The following HNF4A variants were observed in gnomAD, a reference collection of about 807,000 sequenced individuals.
The protein encoded by HNF4A is hepatocyte nuclear factor 4-alpha.
In HNF4A, 15 loss-of-function variants were observed where a neutral mutation model predicts 52.4. That is an observed-to-expected ratio of 0.29 (90% confidence interval 0.19 to 0.44). HNF4A has a LOEUF of 0.44. Ranked by LOEUF, HNF4A falls within the 20% of genes least tolerant of loss-of-function variation. The probability of loss-of-function intolerance (pLI) is 1.00; values close to 1 mark genes in which losing one functional copy is unlikely to be tolerated. For synonymous variants in HNF4A, 280 were observed against 264.4 expected, an observed-to-expected ratio of 1.06 and a Z score of -0.57; for missense variants, 479 against 647.2, an observed-to-expected ratio of 0.74 and a Z score of 2.82.
rs1013120760 is a variant in HNF4A at position 44,374,525 on chromosome 20, G to A, written c.49+18672G>A. ...GTCACCCAGGCTGGAGTGCAGTGGC[G>A]CAATCTCAGCTCACTGCAACCTCTG... On this transcript the variant is annotated intron_variant, in intron 1 of 9. Coordinates refer to the HNF4A transcript ENST00000316673. Among the ~76,000 whole-genome samples the A allele has an allele frequency of 4.6e-5, 7 of 152,094 alleles. No individual in the cohort carries two copies. In the South Asian group the frequency reaches 1.0e-3, roughly 23 times the overall value.
At chr20:44,411,698 G>A (rs2063586419) in intron 3 of HNF4A, among the ~76,000 whole-genome samples, 1 of 152,184 alleles carries the variant, frequency 6.6e-6, no homozygotes, top group African/African-American at 2.4e-5. Flanking sequence ...TTAACAATGT[G>A]TCAACATCAA....
chr20:44,410,124 C>T (rs1441357440), intron 3 of HNF4A, among the ~76,000 whole-genome samples: 1 of 152,342 alleles, frequency 6.6e-6, no homozygotes, highest in Admixed American at 6.5e-5. Context: ...TGAGCCACTG[C>T]GCCCGGCCCC....
intron 7 of HNF4A, among the ~76,000 whole-genome samples, chr20:44,421,940 T>A (rs188565628): frequency 9.3e-5 from 14 of 150,288 alleles, no homozygotes; most frequent in Admixed American, 2.7e-4. Context: ...ATGAGCCCCA[T>A]GTATTGAATG....
intron 1 of HNF4A, among the ~76,000 whole-genome samples, chr20:44,377,469 A>G (rs1041387780): frequency 7.9e-5 from 12 of 152,160 alleles, no homozygotes; most frequent in Non-Finnish European, 1.5e-4. Context: ...GGCAATGTTT[A>G]AAAACACATG....
intron 1 of HNF4A, among the ~76,000 whole-genome samples, chr20:44,363,825 T>C (rs1274130447): frequency 6.6e-6 from 1 of 150,426 alleles, no homozygotes; most frequent in Non-Finnish European, 1.5e-5. Context: ...GCCTCCCAAG[T>C]AGCTGGGATT....
intron 1 of HNF4A, among the ~76,000 whole-genome samples, chr20:44,369,249 C>CAA (rs751374772): frequency 0.21 from 5,272 of 24,840 alleles, 1,485 homozygotes; most frequent in Admixed American, 0.3. Flanking sequence ...AACTCCATCT[C>CAA]AAAAAAAAAA....
intron 1 of HNF4A, among the ~76,000 whole-genome samples, chr20:44,375,234 G>A (rs1366904459): frequency 3.3e-5 from 5 of 152,060 alleles, no homozygotes; most frequent in Non-Finnish European, 7.4e-5. Flanking sequence ...GGGGTTCTTT[G>A]TTTTTTGCTT....
At chr20:44,398,379 G>C (rs1404276449), upstream of HNF4A, among the ~76,000 whole-genome samples, 1 of 152,208 alleles carries the variant, frequency 6.6e-6, no homozygotes, top group African/African-American at 2.4e-5. Context: ...ATTCTGGGCA[G>C]CTGTATTATC....
intron 9 of HNF4A, among the ~76,000 whole-genome samples, chr20:44,428,727 T>C (rs950299478): frequency 2.0e-5 from 3 of 152,180 alleles, no homozygotes; most frequent in Admixed American, 6.5e-5. Context: ...AGGTAACCCA[T>C]TGGGTGAAGA....
At chr20:44,434,065 A>G (rs2063902603), downstream of HNF4A, 1 of 152,200 alleles carries the variant, frequency 6.6e-6, no homozygotes. Context: ...ATGCCTACAT[A>G]TGGGGACATC....
Position 44,428,431 on chromosome 20 carries a change from C to A in HNF4A, c.1226C>A (p.Pro409His), listed in dbSNP as rs148745312. 11 of 1,614,180 alleles carry A rather than the reference C, an allele frequency of 6.8e-6. No homozygotes were observed. The highest frequency in any genetic ancestry group is 9.3e-6 in the Non-Finnish European group (11 of 1,180,026). The change falls in exon 9 of 10, where the codon CCC becomes CAC. Residue 409 changes from proline (P) to histidine (H), a missense_variant. Around this residue, in one of 3 missense-constraint regions of HNF4A, gnomAD observed 389 missense variants for 525.1 expected, o/e 0.74. Transcript: ENST00000316099. Reference sequence around the variant, plus strand: ...AACGTCATCGTTGCCAACACAATGCCCACTCACCTCAGCAACGGACAGATG... The same window carrying A: ...AACGTCATCGTTGCCAACACAATGCACACTCACCTCAGCAACGGACAGATG...
chr20:44,402,629 A>G (rs1192915239), intron 1 of HNF4A: 1 of 1,363,274 alleles, frequency 7.3e-7, no homozygotes, highest in African/African-American at 1.5e-5. Context: ...AGGGGTGGAC[A>G]GTTCTCCACA....
chr20:44,421,680 G>A (rs1478362523), intron 7 of HNF4A, among the ~76,000 whole-genome samples: 1 of 151,396 alleles, frequency 6.6e-6, no homozygotes, highest in Non-Finnish European at 1.5e-5. Flanking sequence ...CTTGAACCTG[G>A]GAGGCGGGGG....
chr20:44,380,362 G>A lies in HNF4A; in HGVS notation c.49+24509G>A, dbSNP rs1192229899. 3.3e-5 allele frequency among the ~76,000 whole-genome samples: 5 copies of A among 152,134 alleles called. No individual in the cohort carries two copies. The East Asian group carries it at 9.6e-4, about 29-fold the overall frequency. ...CAGGCTAGAGTGCAGCAGCAGGATC[G>A]TGGCTCACCACAGCCTCAAACTCCT... On this transcript the variant is annotated intron_variant, in intron 1 of 9. Coordinates refer to the HNF4A transcript ENST00000316673.
chr20:44,429,078 A>G (rs2063845628), intron 9 of HNF4A, among the ~76,000 whole-genome samples: 1 of 152,202 alleles, frequency 6.6e-6, no homozygotes, highest in African/African-American at 2.4e-5. Context: ...GAGTGAGGCC[A>G]ATTAGTTTCT....
At chr20:44,373,243 G>A (rs1048801221) in intron 1 of HNF4A, among the ~76,000 whole-genome samples, 1 of 152,130 alleles carries the variant, frequency 6.6e-6, no homozygotes, top group African/African-American at 2.4e-5. Context: ...TCAAATTCCT[G>A]GGCTCAAGCC....
chr20:44,416,342 T>C (rs2063664363), intron 5 of HNF4A, among the ~76,000 whole-genome samples: 1 of 152,254 alleles, frequency 6.6e-6, no homozygotes. Context: ...GGTGTGCTTC[T>C]TGGGCCTGGA....
At position 44,413,818 on chromosome 20, in the gene HNF4A, C is replaced by A. The variant is rs1415090764; in HGVS notation, c.492+18C>A. ...CCCGACAGGTACCGGGGTGATCCTG[C>A]CACCCACCCAGGGATCCCCCACACT... On this transcript the variant is annotated intron_variant, in intron 4 of 9. Transcript: ENST00000316099. The A allele has an allele frequency of 2.6e-6, 4 of 1,530,746 alleles. No individual in the cohort carries two copies. In the East Asian group the frequency reaches 6.8e-5, roughly 26 times the overall value. The allele number at this position is 1,530,746 out of a possible 1,614,324, so 94.8% of individuals were successfully genotyped here.
rs140233554 is a variant in HNF4A at position 44,368,949 on chromosome 20, T to G, written c.49+13096T>G. Among the ~76,000 whole-genome samples the G allele has an allele frequency of 3.6e-3, 550 of 152,178 alleles. 3 individuals carry two copies. The highest frequency in any genetic ancestry group is 0.012 in the African/African-American group (507 of 41,516). ...GAGAAGTCAGTATAACCATGATGTT[T>G]AGAAATACAAACAAGAGGCTGGGCA... On this transcript the variant is annotated intron_variant, in intron 1 of 9. Transcript: ENST00000316673.
Sources: gnomAD v4.1 joint callset for allele counts (sites outside exome capture counted in the v4.1 genomes callset) on GRCh38, gnomAD v4.1.1 for gene constraint, gnomAD v4.1.1 regional missense constraint, MANE v1.5 for transcripts, NCBI Gene and HGNC (gene_info 2026-07-23, HGNC 2026-07-21) for gene names.